C2orf42: variants seen among roughly 807,000 people sequenced by gnomAD.
C2orf42 encodes uncharacterized protein C2orf42.
C2orf42 carries 44 observed loss-of-function variants against 58.9 expected under a neutral mutation model. The ratio of observed to expected loss-of-function variants is 0.75; its 90% CI spans 0.59 to 0.96. The LOEUF is 0.96. Ranked by LOEUF, C2orf42 falls within the 40% of genes least tolerant of loss-of-function variation. The probability of loss-of-function intolerance (pLI) is 0.00; values close to 1 mark genes in which losing one functional copy is unlikely to be tolerated. For missense variants in C2orf42, 630 were observed against 699.2 expected (o/e 0.90, Z 1.12); for synonymous variants, 239 against 265.4 (o/e 0.90, Z 0.97).
intron 1 of C2orf42, among the ~76,000 whole-genome samples, chr2:70,184,063 G>A (rs1428734549): frequency 2.0e-5 from 3 of 152,066 alleles, no homozygotes; most frequent in Non-Finnish European, 4.4e-5. Flanking sequence ...CTCCTGCCTT[G>A]TCCTCTTAAA....
At chr2:70,156,879 A>G (rs907680227) in intron 9 of C2orf42, among the ~76,000 whole-genome samples, 2 of 151,844 alleles carry the variant, frequency 1.3e-5, no homozygotes, top group African/African-American at 4.8e-5. Flanking sequence ...AAAAAAGAGT[A>G]AAATTTAAAA....
Position 70,169,593 on chromosome 2 carries a change from C to T in C2orf42, c.1108G>A (p.Glu370Lys). 1 of 1,607,856 alleles carries T rather than the reference C, an allele frequency of 6.2e-7. No homozygotes were observed. Among genetic ancestry groups the T allele is most frequent in the Non-Finnish European group, 8.5e-7 (1 of 1,174,492 alleles). ...SFQDWLASVT[E>K]RIHQTMHYQF... The stretch of plus-strand genomic sequence containing the variant: ...TAGTGCATGGTTTGATGGATGCGTT[C>T]TGTGACACTGGCCAGCCAGTCTTGG... Residue 370 changes from glutamate (E) to lysine (K), a missense_variant, in exon 6 of 10, where the codon GAA (glutamate) becomes AAA (lysine). Physicochemically the swap from Glu to Lys is moderately conservative, Grantham distance 56 (BLOSUM62 1). Transcript: ENST00000264434.
chr2:70,152,753 G>A (rs564336381), intron 9 of C2orf42, among the ~76,000 whole-genome samples: 1 of 152,180 alleles, frequency 6.6e-6, no homozygotes, highest in East Asian at 1.9e-4. Context: ...TGAATAGCAG[G>A]GCCAGGTGCA....
chr2:70,181,347 A>C lies in C2orf42; in HGVS notation c.639T>G (p.Ser213Arg). 6.2e-7 allele frequency: 1 copy of C among 1,614,104 alleles called. No homozygotes were observed. ...AGCGGCGCTCAGGCAAGCTTTTGCC[A>C]CTGACTTTCTGCACAAAAGATGTAT... is the stretch of plus-strand genomic sequence containing the variant. The part of the protein sequence containing the change: ...YLHTSFVQKV[S>R]GKSLPERRFF... The change falls in exon 3 of 10, where the codon AGT (serine) becomes AGG (arginine). Residue 213 changes from serine to arginine, a missense_variant. Ser to Arg is a moderately radical substitution (Grantham distance 110). Transcript: ENST00000264434.
chr2:70,185,171 C>T (rs191519435), intron 1 of C2orf42, among the ~76,000 whole-genome samples: 1,810 of 151,528 alleles, frequency 0.012, 21 homozygotes, highest in Middle Eastern at 0.024. Flanking sequence ...GAGGCCGAGG[C>T]GGGTGGAACA....
At chr2:70,175,297 T>C (rs1308077331) in intron 5 of C2orf42, among the ~76,000 whole-genome samples, 1 of 152,120 alleles carries the variant, frequency 6.6e-6, no homozygotes, top group African/African-American at 2.4e-5. Context: ...TATCCATTAG[T>C]TATTTTTCCT....
intron 9 of C2orf42, among the ~76,000 whole-genome samples, chr2:70,158,289 A>T (rs1270853710): frequency 2.6e-5 from 4 of 152,124 alleles, no homozygotes; most frequent in Non-Finnish European, 1.5e-5. Flanking sequence ...ATGAAGATTA[A>T]AAGCCTCAAC....
rs1674619806 is a variant in C2orf42 at position 70,182,094 on chromosome 2, A to T, written c.-12-97T>A. On this transcript the variant is annotated intron_variant, in intron 2 of 9. Coordinates refer to ENST00000264434, the MANE Select transcript of C2orf42 (RefSeq NM_017880.3). ...TTAGTACAGAAGGCAAAATATAAAA[A>T]AGCTATCTACTATTTTTTTTTTTTA... 6.1e-6 allele frequency: 4 copies of T among 651,708 alleles called. No individual in the cohort carries two copies. The East Asian group carries it at 1.1e-4, about 18-fold the overall frequency. The allele number at this position is 651,708 out of a possible 1,614,324, so 40.4% of individuals were successfully genotyped here.
chr2:70,168,451 C>A (rs1179182575), intron 6 of C2orf42, among the ~76,000 whole-genome samples: 39 of 151,004 alleles, frequency 2.6e-4, no homozygotes, highest in Admixed American at 2.5e-3. Flanking sequence ...CCACACCTGG[C>A]TAATTTTTTT....
At chr2:70,169,823 A>G (rs1673673395) in intron 5 of C2orf42, among the ~76,000 whole-genome samples, 162 bp from the exon 6 acceptor site, 2 of 152,154 alleles carry the variant, frequency 1.3e-5, no homozygotes, top group Non-Finnish European at 2.9e-5. Flanking sequence ...GCAGTGCACA[A>G]TCTCAGCTCA....
At chr2:70,165,045 T>C in intron 8 of C2orf42, 47 bp downstream of exon 8, 1 of 1,018,802 alleles carries the variant, frequency 9.8e-7, no homozygotes, top group Non-Finnish European at 1.5e-6. Flanking sequence ...CTTGCCTCCC[T>C]CTCTTCCCTT....
At chr2:70,161,975 G>C (rs1391204821) in intron 8 of C2orf42, among the ~76,000 whole-genome samples, 2 of 151,910 alleles carry the variant, frequency 1.3e-5, no homozygotes, top group Non-Finnish European at 2.9e-5. Flanking sequence ...CTTAGTGGTT[G>C]GGACTATAGG....
rs1285212348 is a variant in C2orf42, at chr2:70,170,183, A to G, written c.1040-522T>C. ...AGAAGTGTTAATAAGTTTGTCCAGAAAAAAAAAAAAAAAACTTGAAGCTGA... is the reference window on the plus strand; with the variant it reads ...AGAAGTGTTAATAAGTTTGTCCAGAGAAAAAAAAAAAAAACTTGAAGCTGA... On this transcript the variant is annotated intron_variant, in intron 5 of 9. Transcript: ENST00000264434. Among the ~76,000 whole-genome samples the G allele has an allele frequency of 2.3e-4, 25 of 107,374 alleles. No homozygotes were observed. The East Asian group carries it at 6.7e-3, about 29-fold the overall frequency. 70.4% of individuals were successfully genotyped at this position (107,374 alleles called of 152,430 possible). A position where few individuals can be genotyped will look rare whatever the true frequency, so the allele number is the denominator to read the frequency against.
At position 70,181,550 on chromosome 2, in the gene C2orf42, C is replaced by T; in HGVS notation, c.436G>A (p.Ala146Thr). ...IKLAVNCQAE[A>T]TPLTLKSSVL... ...GAGCTCTTCAGGGTCAGAGGGGTGG[C>T]CTCTGCCTGGCAGTTCACCGCCAGC... Residue 146 changes from alanine (A) to threonine (T), a missense_variant, in exon 3 of 10, where the codon GCC (alanine) becomes ACC (threonine). By Grantham distance (58) the Ala-to-Thr change is moderately conservative. Coordinates refer to ENST00000264434, the MANE Select transcript of C2orf42 (RefSeq NM_017880.3). 6.2e-7 allele frequency: 1 copy of T among 1,613,858 alleles called. No individual in the cohort carries two copies. The highest frequency in any genetic ancestry group is 8.5e-7 in the Non-Finnish European group (1 of 1,180,012).
intron 8 of C2orf42, 73 bp from the exon 9 acceptor site, chr2:70,160,860 C>T: frequency 1.1e-6 from 1 of 897,322 alleles, no homozygotes. Context: ...TGGATGACGA[C>T]AAATCTTTTA....
chr2:70,167,832 ATGGAGATGGT>A (rs750652236), intron 6 of C2orf42, among the ~76,000 whole-genome samples: 1 of 152,150 alleles, frequency 6.6e-6, no homozygotes, highest in Non-Finnish European at 1.5e-5. Context: ...GGTGGTAGTA[ATGGAGATGGT>A]AAGATGGAAT....
chr2:70,186,846 C>T (rs892027522), intron 1 of C2orf42, among the ~76,000 whole-genome samples: 16 of 151,778 alleles, frequency 1.1e-4, no homozygotes, highest in Non-Finnish European at 2.2e-4. Context: ...AGTAAACTAT[C>T]GCAAGGACAA....
intron 5 of C2orf42, among the ~76,000 whole-genome samples, chr2:70,172,617 G>A (rs113741732): frequency 6.4e-4 from 97 of 152,166 alleles, no homozygotes; most frequent in Middle Eastern, 3.4e-3. Flanking sequence ...AGGCTGCAGC[G>A]AGCTGTATCC....
intron 8 of C2orf42, among the ~76,000 whole-genome samples, chr2:70,162,078 C>A (rs1673084911): frequency 6.6e-6 from 1 of 151,660 alleles, no homozygotes; most frequent in Admixed American, 6.6e-5. Flanking sequence ...GTGGCACGAT[C>A]TCAGTTCACT....
Sources: gnomAD v4.1 joint callset for allele counts (sites outside exome capture counted in the v4.1 genomes callset) on GRCh38, gnomAD v4.1.1 for gene constraint, MANE v1.5 for transcripts, NCBI Gene and HGNC (gene_info 2026-07-23, HGNC 2026-07-21) for gene names.